TFDP2: variants seen among roughly 807,000 people sequenced by gnomAD.
The protein encoded by TFDP2 is transcription factor Dp-2 (E2F dimerization partner 2).
Under a neutral mutation model 59.3 loss-of-function variants are expected in TFDP2, and 17 were observed. The observed-to-expected ratio is 0.29, with a 90% CI of 0.20 to 0.43. The LOEUF is 0.43. Ranked by LOEUF, TFDP2 falls within the 20% of genes least tolerant of loss-of-function variation. The probability of loss-of-function intolerance (pLI) is 1.00; values close to 1 mark genes in which losing one functional copy is unlikely to be tolerated. For synonymous variants in TFDP2, 180 were observed against 194.7 expected (o/e 0.92, Z 0.63); for missense variants, 391 against 528.8 (o/e 0.74, Z 2.56).
intron 3 of TFDP2, among the ~76,000 whole-genome samples, chr3:142,066,468 A>T (rs2060077675): frequency 6.6e-6 from 1 of 152,224 alleles, no homozygotes; most frequent in African/African-American, 2.4e-5. Context: ...AATTAGGCAA[A>T]GTCATCTACC....
intron 3 of TFDP2, among the ~76,000 whole-genome samples, chr3:142,056,055 G>A (rs541912787): frequency 7.4e-6 from 1 of 135,486 alleles, no homozygotes; most frequent in African/African-American, 2.8e-5. Context: ...CCAGGTTCAA[G>A]CGATTCTCCT....
intron 9 of TFDP2, among the ~76,000 whole-genome samples, chr3:141,969,126 A>ATGT (rs1939153992): frequency 2.3e-5 from 2 of 85,558 alleles, no homozygotes; most frequent in Non-Finnish European, 4.2e-5. Context: ...AGATATATAT[A>ATGT]TAACATATAT....
At chr3:142,147,129 C>CA (rs148891075) in intron 1 of TFDP2, among the ~76,000 whole-genome samples, 2 of 151,692 alleles carry the variant, frequency 1.3e-5, no homozygotes, top group African/African-American at 4.8e-5. Context: ...ATAGTCTCTC[C>CA]AAAAAATATA....
chr3:142,080,981 T>C (rs1234520790), intron 3 of TFDP2, among the ~76,000 whole-genome samples: 3 of 152,164 alleles, frequency 2.0e-5, no homozygotes, highest in African/African-American at 4.8e-5. Flanking sequence ...TATAGACCAA[T>C]TGGACCTAAT....
At chr3:141,970,631 C>T (rs918748134) in intron 8 of TFDP2, among the ~76,000 whole-genome samples, 2 of 152,208 alleles carry the variant, frequency 1.3e-5, no homozygotes, top group African/African-American at 2.4e-5. Context: ...AAGATTTGAA[C>T]CTAAATCCTC....
At position 141,952,593 on chromosome 3, in the gene TFDP2, C is replaced by A. The variant is rs1376331293; in HGVS notation, c.1261G>T (p.Glu421Ter). The A allele has an allele frequency of 3.8e-6, 6 of 1,577,342 alleles. No homozygotes were observed. The highest frequency in any genetic ancestry group is 3.4e-6 in the Non-Finnish European group (4 of 1,170,626). ...QSSSAASHCS[E>*]SRGETPCSFN... Reference sequence around the variant, plus strand: ...GAACAGGGGGTCTCGCCTCGGGACTCGGAGCAGTGAGAGGCCGCACTGCTG... The same window carrying A: ...GAACAGGGGGTCTCGCCTCGGGACTAGGAGCAGTGAGAGGCCGCACTGCTG... The change falls in exon 13 of 13, where the codon GAG (glutamate) becomes TAG (stop). Residue 421 changes from glutamate to a stop codon, truncating the protein, a stop_gained. Coordinates refer to ENST00000489671, the MANE Select transcript of TFDP2 (RefSeq NM_001178139.2). LOFTEE classifies it high-confidence loss of function.
intron 1 of TFDP2, among the ~76,000 whole-genome samples, chr3:142,120,337 G>T (rs898609829): frequency 2.0e-5 from 3 of 152,036 alleles, no homozygotes; most frequent in African/African-American, 4.8e-5. Context: ...ACTCCAACCT[G>T]GGCGACAGAG....
At chr3:142,066,782 C>T (rs574500320) in intron 3 of TFDP2, among the ~76,000 whole-genome samples, 15 of 152,294 alleles carry the variant, frequency 9.8e-5, no homozygotes, top group South Asian at 6.2e-4. Context: ...ATCACCAATA[C>T]TCTCCAAATG....
chr3:142,065,857 A>G (rs11719806), intron 3 of TFDP2, among the ~76,000 whole-genome samples: 12,831 of 152,060 alleles, frequency 0.084, 683 homozygotes, highest in Middle Eastern at 0.14. Context: ...TCAAAATAAT[A>G]CAAAATAAAA....
chr3:142,028,403 C>CG (rs1440720084), intron 3 of TFDP2, among the ~76,000 whole-genome samples: 3 of 150,520 alleles, frequency 2.0e-5, no homozygotes, highest in Admixed American at 6.7e-5. Context: ...CCCCTCCCCC[C>CG]CCACCCCAAC....
chr3:141,973,264 C>T (rs922615932), intron 8 of TFDP2, among the ~76,000 whole-genome samples: 3 of 151,660 alleles, frequency 2.0e-5, no homozygotes, highest in African/African-American at 7.3e-5. Flanking sequence ...GGATTACAGG[C>T]GTCTGCCACT....
intron 3 of TFDP2, among the ~76,000 whole-genome samples, chr3:142,059,572 C>G (rs558116467): frequency 6.6e-6 from 1 of 152,112 alleles, no homozygotes; most frequent in South Asian, 2.1e-4. Context: ...TGTCACCGTT[C>G]TCTCCAGCTT....
intron 3 of TFDP2, among the ~76,000 whole-genome samples, chr3:142,051,533 A>C (rs1285214352): frequency 6.6e-6 from 1 of 152,020 alleles, no homozygotes; most frequent in Non-Finnish European, 1.5e-5. Flanking sequence ...AAAAAAAAAA[A>C]AACCGTCTCC....
intron 1 of TFDP2, among the ~76,000 whole-genome samples, chr3:142,138,942 T>C (rs116654114): frequency 0.083 from 12,654 of 152,256 alleles, 656 homozygotes; most frequent in Middle Eastern, 0.14. Flanking sequence ...TTCTGTCTCG[T>C]TGATCTAATA....
intron 3 of TFDP2, among the ~76,000 whole-genome samples, chr3:142,074,568 C>G (rs772693231): frequency 6.6e-6 from 1 of 151,268 alleles, no homozygotes; most frequent in African/African-American, 2.4e-5. Flanking sequence ...ATTAAAAAAA[C>G]AGGCCAGGTA....
At chr3:142,050,653 G>A (rs1576840802) in intron 3 of TFDP2, among the ~76,000 whole-genome samples, 1 of 152,116 alleles carries the variant, frequency 6.6e-6, no homozygotes, top group East Asian at 1.9e-4. Context: ...TCACGATCAC[G>A]CCACTGCACT....
intron 3 of TFDP2, among the ~76,000 whole-genome samples, chr3:142,024,572 C>T (rs1043029714): frequency 2.0e-5 from 3 of 152,074 alleles, no homozygotes; most frequent in African/African-American, 7.2e-5. Context: ...AAAAAAAAGG[C>T]TAAATCATTG....
At chr3:142,048,179 A>G (rs1248276280) in intron 3 of TFDP2, among the ~76,000 whole-genome samples, 2 of 152,024 alleles carry the variant, frequency 1.3e-5, no homozygotes, top group Non-Finnish European at 2.9e-5. Flanking sequence ...CCTTGGGAGG[A>G]TGAGGTGGGC....
At chr3:142,020,679 TA>T (rs549357924) in intron 3 of TFDP2, among the ~76,000 whole-genome samples, 5,352 of 137,908 alleles carry the variant, frequency 0.039, 289 homozygotes, top group African/African-American at 0.12. Context: ...CCTTTTTCTT[TA>T]AAAAAAAAAA....
Sources: allele counts gnomAD v4.1 joint callset (sites outside exome capture counted in the v4.1 genomes callset), GRCh38; gene constraint gnomAD v4.1.1; transcripts MANE v1.5; gene names NCBI Gene and HGNC (gene_info 2026-07-23, HGNC 2026-07-21).